The following RALGPS1 variants were observed in gnomAD, a reference collection of about 807,000 sequenced individuals.
The protein encoded by RALGPS1 is Ral GEF with PH domain and SH3 binding motif 1.
Under a neutral mutation model 78.8 loss-of-function variants are expected in RALGPS1, and 19 were observed. That is an observed-to-expected ratio of 0.24 (90% CI 0.17 to 0.35). The LOEUF (loss-of-function observed/expected upper bound fraction) is 0.35, where lower values mean the gene tolerates loss of function less well. RALGPS1 is among the 10% of genes least tolerant of loss of function. RALGPS1 has a pLI of 1.00. For missense variants in RALGPS1, 454 were observed against 688.3 expected (o/e 0.66, Z 3.81); for synonymous variants, 228 against 256.3 (o/e 0.89, Z 1.06).
intron 1 of RALGPS1, among the ~76,000 whole-genome samples, chr9:126,947,277 C>T (rs895137294): frequency 2.0e-5 from 3 of 152,148 alleles, no homozygotes; most frequent in African/African-American, 7.2e-5. Context: ...CTTATTAATC[C>T]TTTCAGCCTC....
intron 11 of RALGPS1, among the ~76,000 whole-genome samples, chr9:127,175,564 G>A (rs2059813260): frequency 6.6e-6 from 1 of 152,028 alleles, no homozygotes; most frequent in South Asian, 2.1e-4. Context: ...GGGCGTGGGG[G>A]GTCAAGGGGA....
chr9:126,951,662 C>T (rs1368834217), intron 1 of RALGPS1, among the ~76,000 whole-genome samples: 3 of 152,094 alleles, frequency 2.0e-5, no homozygotes, highest in Admixed American at 6.6e-5. Flanking sequence ...ATTGATGGGA[C>T]GTATCTCAAA....
At chr9:127,081,403 C>A (rs1340371784) in intron 8 of RALGPS1, among the ~76,000 whole-genome samples, 1 of 152,188 alleles carries the variant, frequency 6.6e-6, no homozygotes, top group Non-Finnish European at 1.5e-5. Context: ...CCTGCACTGC[C>A]CTGATTGATG....
intron 8 of RALGPS1, among the ~76,000 whole-genome samples, chr9:127,094,905 A>C (rs561752047): frequency 6.6e-6 from 1 of 152,092 alleles, no homozygotes; most frequent in Non-Finnish European, 1.5e-5. Context: ...CTGCCCATCA[A>C]CTCTGCCCTC....
intron 4 of RALGPS1, chr9:126,989,754 C>T: frequency 8.0e-7 from 1 of 1,246,344 alleles, no homozygotes; most frequent in Non-Finnish European, 1.1e-6. Context: ...ACAAAGGAGG[C>T]ATTCTGCAGA....
intron 1 of RALGPS1, among the ~76,000 whole-genome samples, chr9:126,938,177 A>G (rs1461927410): frequency 1.3e-5 from 2 of 152,216 alleles, no homozygotes; most frequent in Admixed American, 1.3e-4. Context: ...CAAAAAGGTG[A>G]AAAGAAGGGG....
chr9:127,168,614 C>T, intron 9 of RALGPS1, 65 bp from the exon 10 acceptor site: 1 of 1,104,988 alleles, frequency 9.0e-7, no homozygotes, highest in Non-Finnish European at 1.4e-6. Context: ...GATTTCTATA[C>T]TTCTCATCTG....
intron 1 of RALGPS1, among the ~76,000 whole-genome samples, chr9:126,940,441 A>ATTT (rs56123533): frequency 0.014 from 1,947 of 134,768 alleles, 63 homozygotes; most frequent in African/African-American, 0.041. Flanking sequence ...TATATATATA[A>ATTT]TTTTTTTTTT....
At chr9:126,940,503 G>A (rs560784774) in intron 1 of RALGPS1, among the ~76,000 whole-genome samples, 4,165 of 149,402 alleles carry the variant, frequency 0.028, 150 homozygotes, top group Non-Finnish European at 0.036. Flanking sequence ...GCAGTGGCGC[G>A]ATCTTGGCTC....
At chr9:127,012,479 T>C (rs1343214076) in intron 4 of RALGPS1, among the ~76,000 whole-genome samples, 1 of 152,230 alleles carries the variant, frequency 6.6e-6, no homozygotes, top group African/African-American at 2.4e-5. Context: ...GCTTGGGCTA[T>C]GGCAGGCCCC....
At chr9:126,973,611 G>C (rs907658702) in intron 3 of RALGPS1, among the ~76,000 whole-genome samples, 18 of 152,100 alleles carry the variant, frequency 1.2e-4, no homozygotes, top group Admixed American at 1.2e-3. Flanking sequence ...CAAAATATAC[G>C]TAATATAAAA....
intron 12 of RALGPS1, among the ~76,000 whole-genome samples, chr9:127,195,478 A>G (rs775556656): frequency 6.6e-6 from 1 of 152,328 alleles, no homozygotes; most frequent in Middle Eastern, 3.4e-3. Context: ...GGAAGGGTGC[A>G]GGGAAGGGCA....
intron 8 of RALGPS1, among the ~76,000 whole-genome samples, chr9:127,138,131 G>A (rs537329323): frequency 2.0e-5 from 3 of 152,318 alleles, no homozygotes; most frequent in Non-Finnish European, 4.4e-5. Flanking sequence ...GAAGAATGAG[G>A]AGGCCTCCCC....
At chr9:127,024,099 A>G (rs2045748955) in intron 4 of RALGPS1, among the ~76,000 whole-genome samples, 1 of 150,374 alleles carries the variant, frequency 6.7e-6, no homozygotes, top group Admixed American at 6.6e-5. Flanking sequence ...TGTGTTATTT[A>G]TAAATGTTGA....
chr9:127,011,338 C>T (rs867467185), intron 4 of RALGPS1, among the ~76,000 whole-genome samples: 27 of 152,146 alleles, frequency 1.8e-4, no homozygotes, highest in African/African-American at 6.3e-4. Context: ...CCACCATGCC[C>T]GGCTAATTTT....
At chr9:127,215,635 T>A (rs948672070) in intron 18 of RALGPS1, among the ~76,000 whole-genome samples, 5 of 152,022 alleles carry the variant, frequency 3.3e-5, no homozygotes, top group African/African-American at 1.2e-4. Flanking sequence ...CCCTGAGCCC[T>A]CCTGCCTCTC....
intron 14 of RALGPS1, among the ~76,000 whole-genome samples, chr9:127,203,591 TGGG>T (rs1305196892): frequency 1.3e-5 from 2 of 149,844 alleles, no homozygotes; most frequent in African/African-American, 2.5e-5. Context: ...GGGGCAGGGT[TGGG>T]GGGCACAGTG....
At chr9:127,137,664 T>C (rs2057492420) in intron 8 of RALGPS1, among the ~76,000 whole-genome samples, 2 of 152,242 alleles carry the variant, frequency 1.3e-5, no homozygotes, top group African/African-American at 4.8e-5. Context: ...TTCTGACTTA[T>C]ACATCTTTTT....
chr9:127,195,484 G>C (rs2061308203), intron 12 of RALGPS1, among the ~76,000 whole-genome samples: 1 of 152,216 alleles, frequency 6.6e-6, no homozygotes, highest in Admixed American at 6.5e-5. Flanking sequence ...GTGCAGGGAA[G>C]GGCAGGGAAG....
Sources: gnomAD v4.1 joint callset for allele counts (sites outside exome capture counted in the v4.1 genomes callset) on GRCh38, gnomAD v4.1.1 for gene constraint, MANE v1.5 for transcripts, NCBI Gene and HGNC (gene_info 2026-07-23, HGNC 2026-07-21) for gene names.